UTS2R: variants seen among roughly 807,000 people sequenced by gnomAD.
UTS2R encodes urotensin-2 receptor.
For synonymous variants in UTS2R, 335 were observed against 280.9 expected (o/e 1.19, Z -1.93); for missense variants, 653 against 562.2 (o/e 1.16, Z -1.63).
intron 1 of UTS2R, among the ~76,000 whole-genome samples, 118 bp downstream of exon 1, chr17:82,372,165 C>A (rs2052455958): frequency 6.6e-6 from 1 of 152,118 alleles, no homozygotes. Context: ...GCGAGGGGAG[C>A]GGGGTCCAGC....
Position 82,372,741 on chromosome 17 carries a change from G to A in UTS2R, c.-125G>A, listed in dbSNP as rs1283472132. Among the ~76,000 whole-genome samples the A allele has an allele frequency of 1.3e-5, 2 of 152,322 alleles. No individual in the cohort carries two copies. Among genetic ancestry groups the A allele is most frequent in the East Asian group, 1.9e-4 (1 of 5,180 alleles). On this transcript the variant is annotated 5_prime_UTR_variant, in exon 2 of 3. Transcript: ENST00000313135. Reference sequence around the variant, plus strand: ...AGGAGTCAAGCTGCCGTGAACTTTCGCACGCTTGTCATTTTCTGAACGTTG... The same window carrying A: ...AGGAGTCAAGCTGCCGTGAACTTTCACACGCTTGTCATTTTCTGAACGTTG...
At position 82,374,593 on chromosome 17, in the gene UTS2R, T is replaced by A. The variant is rs1280414519; in HGVS notation, c.269T>A (p.Val90Glu). 6.2e-7 allele frequency: 1 copy of A among 1,607,480 alleles called. No homozygotes were observed. The highest frequency in any genetic ancestry group is 8.5e-7 in the Non-Finnish European group (1 of 1,177,408). Residue 90 changes from valine to glutamate, a missense_variant, in exon 3 of 3, where the codon GTG becomes GAG. Coordinates refer to ENST00000313135, the MANE Select transcript of UTS2R (RefSeq NM_018949.3). ...LRAVASMYVY[V>E]VNLALADLLY... ...GCGGTGGCCTCCATGTACGTCTACG[T>A]GGTCAACCTGGCGCTGGCCGACCTG...
At chr17:82,374,057 G>A (rs1191613642) in intron 2 of UTS2R, among the ~76,000 whole-genome samples, 186 bp from the exon 3 acceptor site, 1 of 151,708 alleles carries the variant, frequency 6.6e-6, no homozygotes, top group Non-Finnish European at 1.5e-5. Flanking sequence ...GGCATGCGGG[G>A]GTCGGGGAGG....
Position 82,374,434 on chromosome 17 carries a change from C to T in UTS2R, c.110C>T (p.Ala37Val). 1 of 1,598,772 alleles carries T rather than the reference C, an allele frequency of 6.3e-7. No homozygotes were observed. The highest frequency in any genetic ancestry group is 1.3e-5 in the African/African-American group (1 of 74,906). ...GPNATLNSSWASPTEPSSLED... is the reference protein window; with the variant it reads ...GPNATLNSSWVSPTEPSSLED... ...AACGCAACCCTCAACAGCTCCTGGG[C>T]CAGCCCGACCGAGCCCAGCTCCCTG... The change falls in exon 3 of 3, where the codon GCC (alanine) becomes GTC (valine). Residue 37 changes from alanine to valine, a missense_variant. By Grantham distance (64) the Ala-to-Val change is moderately conservative. Coordinates refer to ENST00000313135, the MANE Select transcript of UTS2R (RefSeq NM_018949.3).
At chr17:82,374,128 A>C (rs1213357172) in intron 2 of UTS2R, 115 bp from the exon 3 acceptor site, 1 of 571,612 alleles carries the variant, frequency 1.7e-6, no homozygotes, top group Admixed American at 3.2e-5. Flanking sequence ...TGGCTTCCAG[A>C]GAGTCCCGAG....
intron 2 of UTS2R, among the ~76,000 whole-genome samples, chr17:82,373,693 C>T (rs1325098000): frequency 3.9e-5 from 6 of 152,246 alleles, no homozygotes; most frequent in Admixed American, 3.3e-4. Context: ...ATCTTGAATT[C>T]GTTTCCCTGT....
In UTS2R at chr17:82,375,734, C is replaced by T; in HGVS notation, c.*240C>T. ...GCTTCTGGAGACCATGGCTTCGTCA[C>T]AGAGGGCAGCAGGCGCCAGTGCCCG... On this transcript the variant is annotated 3_prime_UTR_variant, in exon 3 of 3. Transcript: ENST00000313135. 1 of 418,656 alleles carries T rather than the reference C, an allele frequency of 2.4e-6. No homozygotes were observed. The highest frequency in any genetic ancestry group is 4.2e-6 in the Non-Finnish European group (1 of 239,406). 25.9% of individuals were successfully genotyped at this position (418,656 alleles called of 1,614,324 possible).
Position 82,374,495 on chromosome 17 carries a change from G to A in UTS2R, c.171G>A (p.Leu57=). The A allele has an allele frequency of 6.3e-7, 1 of 1,589,636 alleles. No homozygotes were observed. Among genetic ancestry groups the A allele is most frequent in the South Asian group, 1.1e-5 (1 of 88,272 alleles). Residue 57 remains leucine, a synonymous_variant, in exon 3 of 3, where the codon CTG becomes CTA. Transcript: ENST00000313135. ...TGGCCACGGGCACCATTGGGACTCT[G>A]CTGTCGGCCATGGGCGTGGTGGGCG... ...DLVATGTIGT[L]LSAMGVVGVV... is the part of the protein sequence containing the mutation.
In UTS2R at chr17:82,373,182, G is replaced by A. The variant is rs550862729; in HGVS notation, c.-83+399G>A. On this transcript the variant is annotated intron_variant, in intron 2 of 2. Transcript: ENST00000313135. ...TCTTTTTTTTTTTCTCTGAGACAAAGTCTCACTTTGTTGCCCAGGCTGGAG... is the reference window on the plus strand; with the variant it reads ...TCTTTTTTTTTTTCTCTGAGACAAAATCTCACTTTGTTGCCCAGGCTGGAG... Among the ~76,000 whole-genome samples the A allele has an allele frequency of 3.3e-5, 5 of 151,002 alleles. No homozygotes were observed. The South Asian group carries it at 8.3e-4, about 25-fold the overall frequency.
In UTS2R at chr17:82,376,125, G is replaced by A. The variant is rs955661910; in HGVS notation, c.*631G>A. 2.0e-5 allele frequency among the ~76,000 whole-genome samples: 3 copies of A among 152,208 alleles called. No homozygotes were observed. The highest frequency in any genetic ancestry group is 2.9e-5 in the Non-Finnish European group (2 of 68,018). Reference sequence around the variant, plus strand: ...TCCAGCTGAGGGGTGGAGCAGGGAAGGCACTGCCCAGCAGAGGCCTGAGGC... The same window carrying A: ...TCCAGCTGAGGGGTGGAGCAGGGAAAGCACTGCCCAGCAGAGGCCTGAGGC... On this transcript the variant is annotated 3_prime_UTR_variant, in exon 3 of 3. Coordinates refer to ENST00000313135, the MANE Select transcript of UTS2R (RefSeq NM_018949.3).
Position 82,375,031 on chromosome 17 carries a change from G to A in UTS2R, c.707G>A (p.Arg236His), listed in dbSNP as rs535676084. Residue 236 changes from arginine (R) to histidine (H), a missense_variant, in exon 3 of 3, where the codon CGC (arginine) becomes CAC (histidine). Physicochemically the swap from Arg to His is conservative, Grantham distance 29 (BLOSUM62 0). Coordinates refer to ENST00000313135, the MANE Select transcript of UTS2R (RefSeq NM_018949.3). ...LIGLLYARLA[R>H]AYRRSQRASF... ...GGGCTGCTCTACGCGCGCCTGGCCC[G>A]CGCCTACCGCCGCTCGCAGCGCGCC... 4.1e-5 allele frequency: 57 copies of A among 1,394,272 alleles called. No homozygotes were observed. The African/African-American group carries it at 5.0e-4, about 12-fold the overall frequency. 86.4% of individuals were successfully genotyped at this position (1,394,272 alleles called of 1,614,324 possible). A position where few individuals can be genotyped will look rare whatever the true frequency, so the allele number is the denominator to read the frequency against.
chr17:82,374,974 C>A lies in UTS2R; in HGVS notation c.650C>A (p.Ala217Asp). Reference protein sequence around the residue: ...AHRAYLTLLFATSIAGPGLLI... With the variant: ...AHRAYLTLLFDTSIAGPGLLI... ...CGCGCCTACCTGACGCTGCTCTTCG[C>A]CACCAGCATCGCGGGGCCCGGGCTG... The change falls in exon 3 of 3, where the codon GCC becomes GAC. Residue 217 changes from alanine to aspartate, a missense_variant. Physicochemically the swap from Ala to Asp is moderately radical, Grantham distance 126 (BLOSUM62 -2). Transcript: ENST00000313135. The A allele has an allele frequency of 8.4e-7, 1 of 1,196,136 alleles. No homozygotes were observed. The highest frequency in any genetic ancestry group is 1.2e-6 in the Non-Finnish European group (1 of 846,590). The allele number at this position is 1,196,136 out of a possible 1,614,324, so 74.1% of individuals were successfully genotyped here.
chr17:82,374,065 AG>A (rs1233713199), intron 2 of UTS2R, among the ~76,000 whole-genome samples, 177 bp from the exon 3 acceptor site: 2 of 34,028 alleles, frequency 5.9e-5, no homozygotes, highest in East Asian at 1.6e-3. Flanking sequence ...GGGGTCGGGG[AG>A]GGGGGTTGGG....
rs1046111856 is a variant in UTS2R at position 82,375,980 on chromosome 17, C to T, written c.*486C>T. On this transcript the variant is annotated 3_prime_UTR_variant, in exon 3 of 3. Transcript: ENST00000313135. ...GGCAGGATCCCCAGGACGACAACGG[C>T]AGCTCAAGGGGGAGCCTGTGGGTCT... is the stretch of plus-strand genomic sequence containing the variant. Among the ~76,000 whole-genome samples, 5 of 152,202 alleles carry T rather than the reference C, an allele frequency of 3.3e-5. No individual in the cohort carries two copies. The highest frequency in any genetic ancestry group is 1.2e-4 in the African/African-American group (5 of 41,454).
rs755315797 is a variant in UTS2R, at chr17:82,374,526, G to T, written c.202G>T (p.Gly68Cys). The stretch of plus-strand genomic sequence containing the variant: ...GGCCATGGGCGTGGTGGGCGTGGTG[G>T]GCAACGCCTACACGCTGGTGGTCAC... ...LSAMGVVGVV[G>C]NAYTLVVTCR... is the part of the protein sequence containing the mutation. The change falls in exon 3 of 3, where the codon GGC becomes TGC. Residue 68 changes from glycine (G) to cysteine (C), a missense_variant. Transcript: ENST00000313135. The T allele has an allele frequency of 1.3e-6, 2 of 1,582,658 alleles. No homozygotes were observed. Among genetic ancestry groups the T allele is most frequent in the Admixed American group, 1.8e-5 (1 of 54,518 alleles).
chr17:82,371,790 T>TGGC lies in UTS2R; in HGVS notation c.-518_-516dup, dbSNP rs1239852506. 6.6e-6 allele frequency among the ~76,000 whole-genome samples: 1 copy of TGGC among 151,036 alleles called. No individual in the cohort carries two copies. The highest frequency in any genetic ancestry group is 1.5e-5 in the Non-Finnish European group (1 of 67,730). On this transcript the variant is annotated 5_prime_UTR_variant, in exon 1 of 3. Transcript: ENST00000313135. The surrounding 1 kb of genome is among the most constrained non-coding windows in gnomAD (Gnocchi z 6.3). ...GCATTCCCAGCTGGCGGCGGGCAGG[T>TGGC]GGCGGCGGCGCAGAGACCCGGCGCG...
At position 82,376,099 on chromosome 17, in the gene UTS2R, C is replaced by CT. The variant is rs1391086861; in HGVS notation, c.*606dup. ...CAGGGAAGGTGGCCAGGAGGGGAGG[C>CT]TCCAGCTGAGGGGTGGAGCAGGGAA... On this transcript the variant is annotated 3_prime_UTR_variant, in exon 3 of 3. Transcript: ENST00000313135. Among the ~76,000 whole-genome samples the CT allele has an allele frequency of 6.6e-6, 1 of 152,218 alleles. No homozygotes were observed. The highest frequency in any genetic ancestry group is 6.5e-5 in the Admixed American group (1 of 15,288).
chr17:82,372,340 G>A (rs2052457423), intron 1 of UTS2R, among the ~76,000 whole-genome samples: 1 of 152,202 alleles, frequency 6.6e-6, no homozygotes, highest in South Asian at 2.1e-4. Context: ...CCGTCCCCTG[G>A]GTGAGGGCTC....
At position 82,375,367 on chromosome 17, in the gene UTS2R, G is replaced by T; in HGVS notation, c.1043G>T (p.Arg348Leu). The change falls in exon 3 of 3, where the codon CGC becomes CTC. Residue 348 changes from arginine (R) to leucine (L), a missense_variant. Transcript: ENST00000313135. Reference sequence around the variant, plus strand: ...GGGCCCGTTCCCTCCCTGCAGCCCCGCGCCCGCTTCCAGCGCTGTTCGGGC... The same window carrying T: ...GGGCCCGTTCCCTCCCTGCAGCCCCTCGCCCGCTTCCAGCGCTGTTCGGGC... ...GRGPVPSLQP[R>L]ARFQRCSGRS... The T allele has an allele frequency of 6.3e-7, 1 of 1,577,948 alleles. No homozygotes were observed. The highest frequency in any genetic ancestry group is 8.6e-7 in the Non-Finnish European group (1 of 1,167,460).
Sources: gnomAD v4.1 joint callset for allele counts (sites outside exome capture counted in the v4.1 genomes callset) on GRCh38, gnomAD v4.1.1 for gene constraint, Gnocchi (gnomAD v3.1) non-coding constraint, MANE v1.5 for transcripts, NCBI Gene and HGNC (gene_info 2026-07-23, HGNC 2026-07-21) for gene names.